GALNT18: variants seen among roughly 807,000 people sequenced by gnomAD.
GALNT18 encodes the protein GalNAc-transferase 18.
Under a neutral mutation model 69.5 loss-of-function variants are expected in GALNT18, and 44 were observed. That is an observed-to-expected ratio of 0.63 (90% CI 0.50 to 0.81). The LOEUF is 0.81. Among genes scored for constraint, GALNT18 ranks in the 40% least tolerant of loss-of-function variants. GALNT18 has a pLI of 0.00. For missense variants in GALNT18, 715 were observed against 810.0 expected (o/e 0.88, Z 1.42); for synonymous variants, 364 against 318.2 (o/e 1.14, Z -1.53).
chr11:11,419,619 A>AGAAAG (rs1554932032), intron 3 of GALNT18, among the ~76,000 whole-genome samples: 1 of 128,356 alleles, frequency 7.8e-6, no homozygotes. Context: ...AAAAAAAAAA[A>AGAAAG]AAAGAAAGAA....
chr11:11,432,883 G>T lies in GALNT18; in HGVS notation c.429-96C>A. On this transcript the variant is annotated intron_variant, in intron 2 of 10. Transcript: ENST00000227756. This position sits in a 1 kb window ranked among gnomAD's most constrained non-coding sequence, Gnocchi z 5.8. ...GTCCTGGCTCCAGCTTTGCTGGAGGGCTCGGGAGTCCAGATTCTTCCAAGG... is the reference window on the plus strand; with the variant it reads ...GTCCTGGCTCCAGCTTTGCTGGAGGTCTCGGGAGTCCAGATTCTTCCAAGG... 1 of 1,240,436 alleles carries T rather than the reference G, an allele frequency of 8.1e-7. No individual in the cohort carries two copies. Among genetic ancestry groups the T allele is most frequent in the Non-Finnish European group, 1.1e-6 (1 of 891,846 alleles). The allele number at this position is 1,240,436 out of a possible 1,614,324, so 76.8% of individuals were successfully genotyped here. A position where few individuals can be genotyped will look rare whatever the true frequency, so the allele number is the denominator to read the frequency against.
chr11:11,600,574 T>C lies in GALNT18; in HGVS notation c.235+20785A>G, dbSNP rs1251514016. On this transcript the variant is annotated intron_variant, in intron 1 of 10. Coordinates refer to ENST00000227756, the MANE Select transcript of GALNT18 (RefSeq NM_198516.3). The surrounding 1 kb of genome is among the most constrained non-coding windows in gnomAD (Gnocchi z 4.8). ...CTTTCTGTTACTGCTTCCAAGATTT[T>C]CTCTCTCTTTAGCTTTCAAAATTTC... 6.6e-6 allele frequency among the ~76,000 whole-genome samples: 1 copy of C among 152,122 alleles called. No homozygotes were observed. Among genetic ancestry groups the C allele is most frequent in the Non-Finnish European group, 1.5e-5 (1 of 67,978 alleles).
intron 1 of GALNT18, among the ~76,000 whole-genome samples, chr11:11,553,740 G>A (rs908177245): frequency 1.3e-5 from 2 of 151,928 alleles, no homozygotes; most frequent in South Asian, 2.1e-4. Flanking sequence ...AGCTGCCCCC[G>A]GGAGCCCTTC....
chr11:11,374,772 C>T (rs2133681630), intron 5 of GALNT18, among the ~76,000 whole-genome samples: 1 of 152,276 alleles, frequency 6.6e-6, no homozygotes, highest in East Asian at 1.9e-4. Context: ...CATAGAGAAC[C>T]ATAAATAGAT....
intron 1 of GALNT18, among the ~76,000 whole-genome samples, chr11:11,462,329 T>A (rs776626142): frequency 1.5e-4 from 23 of 150,460 alleles, no homozygotes; most frequent in Non-Finnish European, 2.8e-4. Flanking sequence ...CAGGCTGGAG[T>A]GCAGTGGCAT....
At chr11:11,317,126 T>C (rs1207870265) in intron 9 of GALNT18, among the ~76,000 whole-genome samples, 3 of 152,168 alleles carry the variant, frequency 2.0e-5, no homozygotes, top group African/African-American at 7.2e-5. Context: ...ACAAAATGGT[T>C]ATGTTTATGC....
In GALNT18 at chr11:11,482,083, T is replaced by A. The variant is rs149369523; in HGVS notation, c.236-33147A>T. Among the ~76,000 whole-genome samples, 336 of 152,310 alleles carry A rather than the reference T, an allele frequency of 2.2e-3. 1 individual carries two copies. The highest frequency in any genetic ancestry group is 7.6e-3 in the African/African-American group (315 of 41,580). Reference sequence around the variant, plus strand: ...TGGGCTACGGGCCTCCTGAGCAGGATCCTTGTCTCCCAGGGCTGAGGCCCA... The same window carrying A: ...TGGGCTACGGGCCTCCTGAGCAGGAACCTTGTCTCCCAGGGCTGAGGCCCA... On this transcript the variant is annotated intron_variant, in intron 1 of 10. Coordinates refer to ENST00000227756, the MANE Select transcript of GALNT18 (RefSeq NM_198516.3).
chr11:11,526,759 C>T (rs1857536389), intron 1 of GALNT18, among the ~76,000 whole-genome samples: 1 of 152,116 alleles, frequency 6.6e-6, no homozygotes, highest in South Asian at 2.1e-4. Flanking sequence ...AAATTTTCCA[C>T]CTGAAAGTGA....
intron 6 of GALNT18, among the ~76,000 whole-genome samples, chr11:11,365,338 A>G (rs921444146): frequency 6.6e-6 from 1 of 152,136 alleles, no homozygotes; most frequent in Admixed American, 6.5e-5. Flanking sequence ...ATTCCTTTTT[A>G]TGGCTGCATA....
intron 1 of GALNT18, among the ~76,000 whole-genome samples, chr11:11,493,749 G>GCC (rs3043378): frequency 0.6 from 90,776 of 151,802 alleles, 27,515 homozygotes; most frequent in East Asian, 0.74. Flanking sequence ...GGAAAGTCGT[G>GCC]TTTCTGCTCT....
chr11:11,483,909 G>C (rs1334379164), intron 1 of GALNT18, among the ~76,000 whole-genome samples: 2 of 152,158 alleles, frequency 1.3e-5, no homozygotes, highest in Non-Finnish European at 2.9e-5. Flanking sequence ...AGCTGTAAAA[G>C]AGAAGCCGTG....
chr11:11,281,065 T>C (rs11820401), intron 10 of GALNT18, among the ~76,000 whole-genome samples: 64,809 of 152,074 alleles, frequency 0.43, 13,983 homozygotes, highest in Non-Finnish European at 0.45. Context: ...GCCAGTTCCC[T>C]GGCCCCACCG....
intron 1 of GALNT18, among the ~76,000 whole-genome samples, chr11:11,488,598 A>G (rs148108707): frequency 5.9e-5 from 9 of 152,292 alleles, no homozygotes; most frequent in African/African-American, 1.9e-4. Context: ...AGTCAAGTGA[A>G]CAATACTTGG....
At chr11:11,422,040 A>C (rs1233988886) in intron 3 of GALNT18, among the ~76,000 whole-genome samples, 1 of 149,708 alleles carries the variant, frequency 6.7e-6, no homozygotes, top group East Asian at 2.0e-4. Context: ...ATCTATATCT[A>C]TATCATCTAT....
intron 5 of GALNT18, among the ~76,000 whole-genome samples, chr11:11,373,069 G>A (rs1360149031): frequency 2.0e-5 from 3 of 152,160 alleles, no homozygotes; most frequent in African/African-American, 4.8e-5. Context: ...CTGGGACCAG[G>A]TTGCAAAGGG....
chr11:11,361,324 C>A (rs553095654), intron 6 of GALNT18, among the ~76,000 whole-genome samples: 17 of 152,294 alleles, frequency 1.1e-4, no homozygotes, highest in East Asian at 1.9e-4. Context: ...AGTCATGTAA[C>A]CTTGAGCAAG....
intron 9 of GALNT18, among the ~76,000 whole-genome samples, chr11:11,294,028 C>T (rs895690769): frequency 6.4e-4 from 98 of 152,158 alleles, no homozygotes; most frequent in African/African-American, 2.3e-3. Context: ...GCTGGGGAGT[C>T]CCCAAGACCA....
intron 1 of GALNT18, among the ~76,000 whole-genome samples, chr11:11,513,713 G>T (rs76978349): frequency 1.1e-4 from 17 of 152,202 alleles, no homozygotes; most frequent in Admixed American, 9.8e-4. Context: ...TTCCCGGGAC[G>T]TTTACATAGG....
chr11:11,297,821 C>G (rs4910299), intron 9 of GALNT18, among the ~76,000 whole-genome samples: 19,664 of 152,266 alleles, frequency 0.13, 1,686 homozygotes, highest in Admixed American at 0.21. Flanking sequence ...TCATTCTCTA[C>G]TCAGCTCTAC....
Sources: gnomAD v4.1 joint callset for allele counts (sites outside exome capture counted in the v4.1 genomes callset) on GRCh38, gnomAD v4.1.1 for gene constraint, Gnocchi (gnomAD v3.1) non-coding constraint, MANE v1.5 for transcripts, NCBI Gene and HGNC (gene_info 2026-07-23, HGNC 2026-07-21) for gene names.